TNS3: variants seen among roughly 807,000 people sequenced by gnomAD.
TNS3 encodes tensin-3.
A neutral mutation model predicts 140.9 loss-of-function variants in TNS3; 45 were observed. That is an observed-to-expected ratio of 0.32 (90% CI 0.25 to 0.41). The LOEUF (loss-of-function observed/expected upper bound fraction) is 0.41. Among genes scored for constraint, TNS3 ranks in the 10% least tolerant of loss-of-function variants. The probability of loss-of-function intolerance (pLI) is 1.00; values close to 1 mark genes in which losing one functional copy is unlikely to be tolerated. For missense variants in TNS3, 1,716 were observed against 1,906.7 expected (o/e 0.90, Z 1.86); for synonymous variants, 815 against 788.4 (o/e 1.03, Z -0.56).
chr7:47,514,752 G>A (rs531119479), intron 2 of TNS3, among the ~76,000 whole-genome samples: 1 of 152,200 alleles, frequency 6.6e-6, no homozygotes, highest in South Asian at 2.1e-4. Flanking sequence ...GCATTTATGC[G>A]TGGTCTGACC....
intron 4 of TNS3, chr7:47,452,882 G>T (rs10259628): frequency 3.3e-5 from 32 of 980,714 alleles, no homozygotes; most frequent in Non-Finnish European, 3.4e-5. Context: ...CAGACAAAGT[G>T]CCCAGTGCCA....
intron 13 of TNS3, among the ~76,000 whole-genome samples, chr7:47,403,683 C>T (rs145367200): frequency 3.9e-5 from 6 of 152,204 alleles, no homozygotes; most frequent in Non-Finnish European, 5.9e-5. Context: ...CTGAAAGACA[C>T]GGAAAACCAC....
intron 1 of TNS3, among the ~76,000 whole-genome samples, chr7:47,535,289 G>A (rs968702138): frequency 1.3e-5 from 2 of 152,226 alleles, no homozygotes; most frequent in Non-Finnish European, 2.9e-5. Context: ...CAGGGAGAAA[G>A]AGGCACTGTT....
intron 2 of TNS3, among the ~76,000 whole-genome samples, chr7:47,515,716 C>T (rs1310777972): frequency 3.3e-5 from 5 of 152,130 alleles, no homozygotes; most frequent in Non-Finnish European, 7.3e-5. Context: ...CCACCACCCA[C>T]CATCACCATC....
At chr7:47,429,179 A>C (rs1454506637) in intron 8 of TNS3, among the ~76,000 whole-genome samples, 2 of 152,214 alleles carry the variant, frequency 1.3e-5, no homozygotes, top group African/African-American at 2.4e-5. Context: ...AATTTTGAAA[A>C]GATAAGATTC....
intron 4 of TNS3, among the ~76,000 whole-genome samples, chr7:47,466,571 G>A (rs1426429547): frequency 6.6e-6 from 1 of 152,194 alleles, no homozygotes; most frequent in Non-Finnish European, 1.5e-5. Flanking sequence ...CAGATGTCCT[G>A]GCCCCTGGAC....
At chr7:47,453,660 T>C (rs931619190) in intron 4 of TNS3, among the ~76,000 whole-genome samples, 1 of 151,760 alleles carries the variant, frequency 6.6e-6, no homozygotes, top group African/African-American at 2.4e-5. Flanking sequence ...AAGACAAGAG[T>C]GGCCAGGCCA....
At chr7:47,576,212 A>T (rs1408488562) in intron 1 of TNS3, among the ~76,000 whole-genome samples, 1 of 152,198 alleles carries the variant, frequency 6.6e-6, no homozygotes, top group South Asian at 2.1e-4. Flanking sequence ...CAGAAGGACC[A>T]CAAGGTGCTT....
chr7:47,484,605 G>C (rs902789396), intron 3 of TNS3, among the ~76,000 whole-genome samples: 9 of 152,212 alleles, frequency 5.9e-5, no homozygotes, highest in African/African-American at 1.9e-4. Flanking sequence ...GTCACTTGCT[G>C]TTCTTCAGCC....
chr7:47,514,853 C>T (rs898666520), intron 2 of TNS3, among the ~76,000 whole-genome samples: 4 of 152,132 alleles, frequency 2.6e-5, no homozygotes, highest in Non-Finnish European at 1.5e-5. Flanking sequence ...TCCAGAATGC[C>T]GAGACTCACC....
chr7:47,434,999 G>A (rs775672011), intron 8 of TNS3, among the ~76,000 whole-genome samples: 16 of 152,176 alleles, frequency 1.1e-4, no homozygotes, highest in Non-Finnish European at 1.9e-4. Context: ...AAAATGAAAC[G>A]ATTTGCTCTC....
chr7:47,331,161 C>A (rs1788319808), intron 20 of TNS3, among the ~76,000 whole-genome samples: 1 of 152,162 alleles, frequency 6.6e-6, no homozygotes, highest in Non-Finnish European at 1.5e-5. Context: ...CAAGGCAGTT[C>A]TCGAAGGCCT....
At chr7:47,299,193 A>G (rs1475030647) in intron 23 of TNS3, among the ~76,000 whole-genome samples, 2 of 152,210 alleles carry the variant, frequency 1.3e-5, no homozygotes, top group Non-Finnish European at 1.5e-5. Flanking sequence ...ACTGAAGTAC[A>G]GTGACACAAT....
chr7:47,420,344 A>G (rs1794308687), intron 10 of TNS3, among the ~76,000 whole-genome samples: 5 of 152,178 alleles, frequency 3.3e-5, no homozygotes, highest in Admixed American at 3.3e-4. Flanking sequence ...TGGTGCCAGG[A>G]GGAGGCCGTT....
At chr7:47,355,799 T>C (rs1479142135) in intron 17 of TNS3, among the ~76,000 whole-genome samples, 1 of 152,172 alleles carries the variant, frequency 6.6e-6, no homozygotes, top group East Asian at 1.9e-4. Flanking sequence ...TTCAGACTGC[T>C]CTTGGAGACT....
At chr7:47,320,390 G>A (rs1381997319) in intron 20 of TNS3, among the ~76,000 whole-genome samples, 1 of 152,212 alleles carries the variant, frequency 6.6e-6, no homozygotes, top group Admixed American at 6.5e-5. Flanking sequence ...TGTGAGTTAA[G>A]AGGAATCCTG....
intron 9 of TNS3, among the ~76,000 whole-genome samples, chr7:47,427,123 CAAAAAA>C (rs61383259): frequency 2.8e-5 from 3 of 106,814 alleles, no homozygotes; most frequent in East Asian, 5.8e-4. Flanking sequence ...AAGACTCTGT[CAAAAAA>C]AAAAAAAAAA....
chr7:47,496,940 A>G (rs1265885520), intron 3 of TNS3, among the ~76,000 whole-genome samples: 2 of 152,174 alleles, frequency 1.3e-5, no homozygotes, highest in African/African-American at 4.8e-5. Context: ...GAAAGGTCAC[A>G]GAGCTGGCCA....
At chr7:47,422,736 G>T (rs369822819) in intron 10 of TNS3, among the ~76,000 whole-genome samples, 1 of 152,078 alleles carries the variant, frequency 6.6e-6, no homozygotes, top group African/African-American at 2.4e-5. Context: ...AAGAAAAGAC[G>T]ACAGCTGGAC....
Sources: allele counts gnomAD v4.1 joint callset (sites outside exome capture counted in the v4.1 genomes callset), GRCh38; gene constraint gnomAD v4.1.1; transcripts MANE v1.5; gene names NCBI Gene and HGNC (gene_info 2026-07-23, HGNC 2026-07-21).